Variants in SOX5 observed in about 807,000 individuals in gnomAD.
SOX5 encodes SRY-box transcription factor 5.
Under a neutral mutation model 92.0 loss-of-function variants are expected in SOX5, and 9 were observed. The ratio of observed to expected loss-of-function variants is 0.10; its 90% CI spans 0.06 to 0.17. The LOEUF is 0.17. Among genes scored for constraint, SOX5 ranks in the 10% least tolerant of loss-of-function variants. SOX5 has a pLI of 1.00. For missense variants in SOX5, 642 were observed against 944.5 expected, an observed-to-expected ratio of 0.68 and a Z score of 4.20; for synonymous variants, 344 against 336.3, an observed-to-expected ratio of 1.02 and a Z score of -0.25.
intron 3 of SOX5, among the ~76,000 whole-genome samples, chr12:23,777,128 T>A (rs1474246712): frequency 1.3e-5 from 2 of 152,214 alleles, no homozygotes; most frequent in African/African-American, 2.4e-5. Flanking sequence ...TAAATGAGTA[T>A]ATGAATATTC....
intron 1 of SOX5, among the ~76,000 whole-genome samples, chr12:24,514,558 T>C (rs1402522501): frequency 6.6e-6 from 1 of 152,214 alleles, no homozygotes; most frequent in Non-Finnish European, 1.5e-5. Flanking sequence ...ACTGGGTATA[T>C]ACCCAAAGCA....
At chr12:24,539,417 C>A (rs1413065445) in intron 1 of SOX5, among the ~76,000 whole-genome samples, 23 of 152,054 alleles carry the variant, frequency 1.5e-4, no homozygotes, top group Non-Finnish European at 7.4e-5. Flanking sequence ...TGTTGAGCTA[C>A]CTTTATTAAA....
intron 4 of SOX5, among the ~76,000 whole-genome samples, chr12:23,957,159 A>G (rs896321380): frequency 1.3e-5 from 2 of 152,188 alleles, no homozygotes; most frequent in Non-Finnish European, 2.9e-5. Context: ...TGGCCTTCTA[A>G]ACTATGGCAT....
intron 3 of SOX5, among the ~76,000 whole-genome samples, chr12:24,254,332 A>G (rs1940741943): frequency 6.6e-6 from 1 of 151,654 alleles, no homozygotes; most frequent in Admixed American, 6.6e-5. Context: ...ATTAGCACAG[A>G]TGCTCCTTGA....
chr12:24,288,239 T>C (rs1263314943), intron 2 of SOX5, among the ~76,000 whole-genome samples: 2 of 152,170 alleles, frequency 1.3e-5, no homozygotes, highest in East Asian at 3.9e-4. Flanking sequence ...CATCCTACAG[T>C]GCCCAGGACA....
chr12:23,633,901 T>C (rs896728095), intron 8 of SOX5, among the ~76,000 whole-genome samples: 1 of 152,116 alleles, frequency 6.6e-6, no homozygotes, highest in African/African-American at 2.4e-5. Context: ...TTACATAAAC[T>C]GTAATAAGTG....
At chr12:24,517,145 T>A (rs962764206) in intron 1 of SOX5, among the ~76,000 whole-genome samples, 1 of 152,254 alleles carries the variant, frequency 6.6e-6, no homozygotes, top group Non-Finnish European at 1.5e-5. Flanking sequence ...GTAAGTGTTC[T>A]GGAAACCTCA....
At chr12:23,609,130 C>A (rs1382200514) in intron 8 of SOX5, among the ~76,000 whole-genome samples, 4 of 152,008 alleles carry the variant, frequency 2.6e-5, no homozygotes, top group Non-Finnish European at 5.9e-5. Flanking sequence ...GGCATGAGAG[C>A]AGGAATGAGC....
chr12:23,934,802 G>A (rs1942200892), intron 1 of SOX5, among the ~76,000 whole-genome samples: 1 of 151,028 alleles, frequency 6.6e-6, no homozygotes, highest in Admixed American at 6.6e-5. Flanking sequence ...CTATAATATG[G>A]GAATAATTAT....
At chr12:23,976,036 T>C (rs1011643432) in intron 4 of SOX5, among the ~76,000 whole-genome samples, 2 of 152,136 alleles carry the variant, frequency 1.3e-5, no homozygotes, top group African/African-American at 4.8e-5. Flanking sequence ...ATGTATAATA[T>C]AAATGTACAA....
intron 6 of SOX5, among the ~76,000 whole-genome samples, chr12:23,681,999 C>A (rs1353059850): frequency 6.6e-6 from 1 of 151,288 alleles, no homozygotes. Context: ...AACATTTTAG[C>A]ACAACTTTCT....
intron 6 of SOX5, among the ~76,000 whole-genome samples, chr12:23,697,203 G>T (rs563117024): frequency 6.6e-6 from 1 of 152,220 alleles, no homozygotes; most frequent in South Asian, 2.1e-4. Flanking sequence ...GACTTCTCAT[G>T]TTAATTTTAT....
rs546475384 is a variant in SOX5, at chr12:23,758,733, G to A, written c.482-3009C>T. 2.0e-5 allele frequency among the ~76,000 whole-genome samples: 3 copies of A among 152,018 alleles called. No individual in the cohort carries two copies. In the East Asian group the frequency reaches 5.8e-4, roughly 29 times the overall value. On this transcript the variant is annotated intron_variant, in intron 3 of 14. Transcript: ENST00000451604. ...AACCCCTAATCCAAAAGTGTTGGGAGGTGAGGCCTAATGGAAGGTATTTAG... is the reference window on the plus strand; with the variant it reads ...AACCCCTAATCCAAAAGTGTTGGGAAGTGAGGCCTAATGGAAGGTATTTAG...
At chr12:24,103,220 T>C (rs535934620) in intron 4 of SOX5, among the ~76,000 whole-genome samples, 1 of 152,346 alleles carries the variant, frequency 6.6e-6, no homozygotes, top group South Asian at 2.1e-4. Context: ...TATGAGTAAA[T>C]TGTGGATATT....
intron 1 of SOX5, among the ~76,000 whole-genome samples, chr12:24,490,873 A>G (rs988605914): frequency 3.3e-5 from 5 of 152,184 alleles, no homozygotes; most frequent in Admixed American, 6.5e-5. Context: ...TTATAACACC[A>G]GGCCTCTAAA....
rs1312270187 is a variant in SOX5 at position 23,531,256 on chromosome 12, T to C, written c.*2963A>G. ...TTTTTGTTTCGGTTCATGCACAGTT[T>C]AGTCTCGGACATAAACCTAACTAAA... On this transcript the variant is annotated 3_prime_UTR_variant, in exon 15 of 15. Coordinates refer to ENST00000451604, the MANE Select transcript of SOX5 (RefSeq NM_006940.6). The C allele has an allele frequency of 6.6e-6, 1 of 152,220 alleles. No individual in the cohort carries two copies. Among genetic ancestry groups the C allele is most frequent in the Non-Finnish European group, 1.5e-5 (1 of 68,048 alleles). 9.4% of individuals were successfully genotyped at this position (152,220 alleles called of 1,614,324 possible).
At chr12:24,451,634 C>T (rs1017586576) in intron 1 of SOX5, among the ~76,000 whole-genome samples, 6 of 151,880 alleles carry the variant, frequency 4.0e-5, no homozygotes, top group African/African-American at 1.5e-4. Flanking sequence ...CTGAAGGACA[C>T]CTGAAGAGTG....
intron 9 of SOX5, among the ~76,000 whole-genome samples, chr12:23,603,447 T>C (rs199852557): frequency 2.8e-5 from 2 of 70,694 alleles, no homozygotes; most frequent in Admixed American, 2.8e-4. Flanking sequence ...ATATATAAAA[T>C]ATATATATAT....
At chr12:23,662,463 G>C (rs1024266639) in intron 7 of SOX5, among the ~76,000 whole-genome samples, 2 of 152,236 alleles carry the variant, frequency 1.3e-5, no homozygotes, top group East Asian at 1.9e-4. Flanking sequence ...TTTCTCTGCT[G>C]TGTCTGGCTG....
Sources: gnomAD v4.1 joint callset for allele counts (sites outside exome capture counted in the v4.1 genomes callset) on GRCh38, gnomAD v4.1.1 for gene constraint, MANE v1.5 for transcripts, NCBI Gene and HGNC (gene_info 2026-07-23, HGNC 2026-07-21) for gene names.